The following ACCSL variants were observed in gnomAD, a reference collection of about 807,000 sequenced individuals.
ACCSL encodes 1-aminocyclopropane-1-carboxylate synthase homolog (inactive) like.
Under a neutral mutation model 61.7 loss-of-function variants are expected in ACCSL, and 55 were observed. The observed-to-expected ratio is 0.89, with a 90% CI of 0.72 to 1.12. ACCSL has a LOEUF of 1.12. ACCSL is among the 50% of genes most tolerant of loss of function. The probability of loss-of-function intolerance (pLI) is 0.00; values close to 1 mark genes in which losing one functional copy is unlikely to be tolerated. For synonymous variants in ACCSL, 258 were observed against 264.3 expected, an observed-to-expected ratio of 0.98 and a Z score of 0.23; for missense variants, 632 against 698.0, an observed-to-expected ratio of 0.91 and a Z score of 1.07.
chr11:43,939,333 G>T, the ACCSL span, among the ~76,000 whole-genome samples: 1 of 152,060 alleles, frequency 6.6e-6, no homozygotes, highest in Non-Finnish European at 1.5e-5. Context: ...ATATTTGAGG[G>T]GTTTTATACA....
intron 8 of ACCSL, among the ~76,000 whole-genome samples, chr11:44,054,041 T>C (rs909686958): frequency 6.6e-6 from 1 of 152,208 alleles, no homozygotes; most frequent in African/African-American, 2.4e-5. Context: ...AAATATAGTT[T>C]TGTTTTCTGA....
At chr11:44,052,936 A>G (rs1952648892) in intron 6 of ACCSL, 55 bp from the exon 7 acceptor site, 1 of 1,560,312 alleles carries the variant, frequency 6.4e-7, no homozygotes, top group Non-Finnish European at 8.8e-7. Flanking sequence ...TATGGGAATG[A>G]GGAATCAAGA....
chr11:43,934,958 G>T, the ACCSL span, among the ~76,000 whole-genome samples: 1 of 152,112 alleles, frequency 6.6e-6, no homozygotes, highest in Non-Finnish European at 1.5e-5. Flanking sequence ...GATGGGGGAG[G>T]TGGTGCACAA....
At chr11:43,941,390 A>G in the ACCSL span, among the ~76,000 whole-genome samples, 1 of 152,240 alleles carries the variant, frequency 6.6e-6, no homozygotes, top group Admixed American at 6.5e-5. Flanking sequence ...TGAGCAGGAA[A>G]GTAACTTCTC....
chr11:43,972,710 TTA>T, the ACCSL span, among the ~76,000 whole-genome samples: 1 of 152,172 alleles, frequency 6.6e-6, no homozygotes, highest in African/African-American at 2.4e-5. Context: ...AGTTTCTGCG[TTA>T]TGTTTACCAA....
At chr11:44,037,401 C>T in the ACCSL span, among the ~76,000 whole-genome samples, 1 of 152,226 alleles carries the variant, frequency 6.6e-6, no homozygotes. Context: ...CAATTGCCTG[C>T]TCCCAGCCTT....
the ACCSL span, among the ~76,000 whole-genome samples, chr11:44,032,229 A>C: frequency 6.6e-6 from 1 of 152,194 alleles, no homozygotes; most frequent in South Asian, 2.1e-4. Flanking sequence ...GGGATATGCA[A>C]GATGCCTCAC....
chr11:44,059,894 C>T lies in ACCSL; in HGVS notation c.1681C>T (p.Gln561Ter). Residue 561 changes from glutamine to a stop codon, truncating the protein, a stop_gained, in exon 14 of 14, where the codon CAG becomes TAG. Transcript: ENST00000378832. LOFTEE classifies it low-confidence loss of function (END_TRUNC). ...QEQKEALIVK[Q>*]LEDAMRE ...GCAGAAGGAGGCTTTGATAGTGAAG[C>T]AGTTGGAGGATGCAATGAGGGAGTA... 1 of 1,613,892 alleles carries T rather than the reference C, an allele frequency of 6.2e-7. No individual in the cohort carries two copies. The highest frequency in any genetic ancestry group is 8.5e-7 in the Non-Finnish European group (1 of 1,179,844).
At chr11:44,029,732 C>T in the ACCSL span, among the ~76,000 whole-genome samples, 4 of 152,202 alleles carry the variant, frequency 2.6e-5, no homozygotes, top group Admixed American at 6.5e-5. Flanking sequence ...ATAGAGCCCC[C>T]GATTCTGCTT....
the ACCSL span, among the ~76,000 whole-genome samples, chr11:43,989,171 C>T: frequency 4.6e-5 from 7 of 152,210 alleles, no homozygotes; most frequent in East Asian, 5.8e-4. Context: ...GGAGGCTCAG[C>T]GCTGGGTTCA....
chr11:43,937,866 G>A, the ACCSL span, among the ~76,000 whole-genome samples: 1 of 152,172 alleles, frequency 6.6e-6, no homozygotes, highest in Non-Finnish European at 1.5e-5. Flanking sequence ...CTTCAGGTTG[G>A]TGGATAGCTC....
At chr11:43,941,677 G>A in the ACCSL span, among the ~76,000 whole-genome samples, 8 of 152,230 alleles carry the variant, frequency 5.3e-5, no homozygotes, top group Non-Finnish European at 4.4e-5. Flanking sequence ...ATGGACTCTG[G>A]AGTCAGCCCA....
rs1371307347 is a variant in ACCSL, at chr11:44,050,548, A to G, written c.565-4A>G. 2 of 1,613,734 alleles carry G rather than the reference A, an allele frequency of 1.2e-6. No individual in the cohort carries two copies. Among genetic ancestry groups the G allele is most frequent in the Non-Finnish European group, 1.7e-6 (2 of 1,179,916 alleles). ...ACCTGTCTTCATGTTCTATTTGTCAACAGTTGCAAGAAAGTGACATGAACT... is the reference window on the plus strand; with the variant it reads ...ACCTGTCTTCATGTTCTATTTGTCAGCAGTTGCAAGAAAGTGACATGAACT... On this transcript the variant is annotated splice_polypyrimidine_tract_variant and splice_region_variant and intron_variant, in intron 2 of 13. Transcript: ENST00000378832.
chr11:43,946,767 A>T, the ACCSL span, among the ~76,000 whole-genome samples: 1 of 152,168 alleles, frequency 6.6e-6, no homozygotes, highest in South Asian at 2.1e-4. Flanking sequence ...ACAAACGGGT[A>T]GTTCTAAGGG....
chr11:44,039,900 A>G, the ACCSL span, among the ~76,000 whole-genome samples: 6 of 152,254 alleles, frequency 3.9e-5, 1 homozygote, highest in Admixed American at 3.9e-4. Context: ...GCACATAGTC[A>G]TGGGCGGTTC....
chr11:43,945,783 AG>A, the ACCSL span: 19 of 151,982 alleles, frequency 1.3e-4, no homozygotes, highest in African/African-American at 4.3e-4. Context: ...AGGGAGGTGG[AG>A]GCTGCAGTGA....
chr11:44,007,295 A>G, the ACCSL span, among the ~76,000 whole-genome samples: 1 of 152,168 alleles, frequency 6.6e-6, no homozygotes, highest in Admixed American at 6.5e-5. Context: ...TTTGAGACAG[A>G]AGTGCCCCCC....
chr11:43,974,570 C>G, the ACCSL span, among the ~76,000 whole-genome samples: 2 of 152,184 alleles, frequency 1.3e-5, no homozygotes, highest in Non-Finnish European at 1.5e-5. Flanking sequence ...GACAGAGGAG[C>G]AGTGGCACCA....
chr11:43,996,481 G>A, the ACCSL span, among the ~76,000 whole-genome samples: 3 of 152,136 alleles, frequency 2.0e-5, no homozygotes, highest in African/African-American at 7.2e-5. Flanking sequence ...AGACATGGGA[G>A]ATACTTAGAA....
Sources: allele counts gnomAD v4.1 joint callset (sites outside exome capture counted in the v4.1 genomes callset), GRCh38; gene constraint gnomAD v4.1.1; transcripts MANE v1.5; gene names NCBI Gene and HGNC (gene_info 2026-07-23, HGNC 2026-07-21).